The following IL15RA variants were observed in gnomAD, a reference collection of about 807,000 sequenced individuals.
IL15RA encodes the protein interleukin-15 receptor subunit alpha.
IL15RA carries 26 observed loss-of-function variants against 24.2 expected under a neutral mutation model. That is an observed-to-expected ratio of 1.07 (90% CI 0.79 to 1.49). The LOEUF is 1.49. Among genes scored for constraint, IL15RA ranks in the 40% most tolerant of loss-of-function variants. The pLI is 0.00. For synonymous variants in IL15RA, 166 were observed against 157.6 expected (o/e 1.05, Z -0.40); for missense variants, 354 against 356.4 (o/e 0.99, Z 0.05).
Position 5,966,149 on chromosome 10 carries a change from G to T in IL15RA, c.279C>A (p.Cys93Ter). 1 of 1,605,308 alleles carries T rather than the reference G, an allele frequency of 6.2e-7. No individual in the cohort carries two copies. Among genetic ancestry groups the T allele is most frequent in the Non-Finnish European group, 8.5e-7 (1 of 1,172,490 alleles). ...GGGGTGGCAAGGGCTACTCACTAAT[G>T]CATTTGAGACTGGGGGTTGTCCAGT... ...VAHWTTPSLK[C>*]IRDPALVHQR... Residue 93 changes from cysteine (C) to a stop codon, truncating the protein, a stop_gained, in exon 2 of 7, where the codon TGC (cysteine) becomes TGA (stop). Coordinates refer to ENST00000379977, the MANE Select transcript of IL15RA (RefSeq NM_002189.4). LOFTEE classifies it high-confidence loss of function. This position sits in a 1 kb window ranked among gnomAD's most constrained non-coding sequence, Gnocchi z 6.4.
rs1834027367 is a variant in IL15RA, at chr10:5,953,103, GGT to G, written c.794_795del (p.His265ProfsTer23). The G allele has an allele frequency of 1.1e-5, 17 of 1,611,698 alleles. 1 individual carries two copies. In the South Asian group the frequency reaches 1.9e-4, roughly 18 times the overall value. On this transcript the variant is annotated frameshift_variant, in exon 7 of 7. Transcript: ENST00000379977. LOFTEE classifies it high-confidence loss of function. The surrounding 1 kb of genome is among the most constrained non-coding windows in gnomAD (Gnocchi z 5.3). ...SRDEDLENCS[H>X]HL ...GCTGGTTTCCCCGAGTTTCATAGGT[GGT>G]GAGAGCAGTTTTCCAAGTCTTCATC...
rs897168156 is a variant in IL15RA, at chr10:5,963,143, C to T, written c.382+600G>A. The stretch of plus-strand genomic sequence containing the variant: ...GACCATCCTCTCAAGGGTGCTTCTA[C>T]AGCAAGCGCCTTGGAAGACGGGGAC... On this transcript the variant is annotated intron_variant, in intron 3 of 6. Coordinates refer to ENST00000379977, the MANE Select transcript of IL15RA (RefSeq NM_002189.4). The surrounding 1 kb of genome is among the most constrained non-coding windows in gnomAD (Gnocchi z 5.3). Among the ~76,000 whole-genome samples, 5 of 152,202 alleles carry T rather than the reference C, an allele frequency of 3.3e-5. No individual in the cohort carries two copies. The highest frequency in any genetic ancestry group is 1.2e-4 in the African/African-American group (5 of 41,450).
chr10:5,956,264 CT>C, intron 6 of IL15RA, 114 bp downstream of exon 6: 1 of 771,934 alleles, frequency 1.3e-6, no homozygotes, highest in Non-Finnish European at 2.2e-6. Context: ...ATCTGCCCGC[CT>C]TGGCCTCCCA....
chr10:5,949,098 C>T, downstream of IL15RA: 1 of 384,534 alleles, frequency 2.6e-6, no homozygotes, highest in Non-Finnish European at 5.4e-6. This position sits in a 1 kb window ranked among gnomAD's most constrained non-coding sequence, Gnocchi z 4.4. Flanking sequence ...TTTTCCGGCT[C>T]CCTGTCAGTG....
rs1387269407 is a variant in IL15RA at position 5,966,573 on chromosome 10, A to G, written c.89-234T>C. Among the ~76,000 whole-genome samples, 1 of 151,944 alleles carries G rather than the reference A, an allele frequency of 6.6e-6. No individual in the cohort carries two copies. The highest frequency in any genetic ancestry group is 1.5e-5 in the Non-Finnish European group (1 of 67,960). ...CAAAACTACAGATGAGGGCGTGGGG[A>G]GAGGGTCATCGATGAAACACCCTCT... On this transcript the variant is annotated intron_variant, in intron 1 of 6. Coordinates refer to ENST00000379977, the MANE Select transcript of IL15RA (RefSeq NM_002189.4). This position sits in a 1 kb window ranked among gnomAD's most constrained non-coding sequence, Gnocchi z 6.4.
rs369432930 is a variant in IL15RA, at chr10:5,970,533, G to A, written c.89-4194C>T. On this transcript the variant is annotated intron_variant, in intron 1 of 6. Coordinates refer to ENST00000379977, the MANE Select transcript of IL15RA (RefSeq NM_002189.4). The surrounding 1 kb of genome is among the most constrained non-coding windows in gnomAD (Gnocchi z 4.1). ...TATCAGTGGTTCTTCCATTCTGAAC[G>A]GTCCTCAAACCAAGATAAATCTGTG... 6.6e-6 allele frequency among the ~76,000 whole-genome samples: 1 copy of A among 151,914 alleles called. No individual in the cohort carries two copies. Among genetic ancestry groups the A allele is most frequent in the Non-Finnish European group, 1.5e-5 (1 of 67,990 alleles).
chr10:5,969,077 T>C, intron 1 of IL15RA: 1 of 1,106,438 alleles, frequency 9.0e-7, no homozygotes, highest in South Asian at 1.5e-5. Flanking sequence ...GATCTATGTG[T>C]CTGTTTGTTT....
intron 1 of IL15RA, chr10:5,969,071 T>G: frequency 9.0e-6 from 10 of 1,116,178 alleles, no homozygotes; most frequent in Non-Finnish European, 1.3e-5. Flanking sequence ...TCCATCGATC[T>G]ATGTGTCTGT....
In IL15RA at chr10:5,960,310, C is replaced by T. The variant is rs8177706; in HGVS notation, c.583+57G>A. ...GCTGCCTTGTGCCGGATCTCAGCCC[C>T]GATCTCAGAAGCAGCAATGGGGAAC... On this transcript the variant is annotated intron_variant, in intron 4 of 6. Coordinates refer to ENST00000379977, the MANE Select transcript of IL15RA (RefSeq NM_002189.4). This position sits in a 1 kb window ranked among gnomAD's most constrained non-coding sequence, Gnocchi z 5.1. 212 of 1,469,566 alleles carry T rather than the reference C, an allele frequency of 1.4e-4. No homozygotes were observed. The African/African-American group carries it at 2.4e-3, about 17-fold the overall frequency. 91.0% of individuals were successfully genotyped at this position (1,469,566 alleles called of 1,614,324 possible). A position where few individuals can be genotyped will look rare whatever the true frequency, so the allele number is the denominator to read the frequency against.
At chr10:5,950,773 C>T, downstream of IL15RA, 1 of 152,876 alleles carries the variant, frequency 6.5e-6, no homozygotes, top group Non-Finnish European at 1.5e-5. This position sits in a 1 kb window ranked among gnomAD's most constrained non-coding sequence, Gnocchi z 5.6. Flanking sequence ...TGTGAGGAAG[C>T]CCAAGCAGCC....
rs1835185309 is a variant in IL15RA at position 5,959,766 on chromosome 10, T to C, written c.604A>G (p.Ser202Gly). 1.9e-6 allele frequency: 3 copies of C among 1,613,936 alleles called. No individual in the cohort carries two copies. Among genetic ancestry groups the C allele is most frequent in the Non-Finnish European group, 2.5e-6 (3 of 1,179,942 alleles). Residue 202 changes from serine (S) to glycine (G), a missense_variant, in exon 5 of 7, where the codon AGC becomes GGC. Coordinates refer to ENST00000379977, the MANE Select transcript of IL15RA (RefSeq NM_002189.4). This position sits in a 1 kb window ranked among gnomAD's most constrained non-coding sequence, Gnocchi z 4.1. ...QPPGVYPQGH[S>G]DTTVAISTST... Reference sequence around the variant, plus strand: ...GGGACACACTTACCAGTGGTGTCGCTGTGGCCCTGTGGATACACACCTGCG... The same window carrying C: ...GGGACACACTTACCAGTGGTGTCGCCGTGGCCCTGTGGATACACACCTGCG...
chr10:5,949,097 T>C (rs867901259), downstream of IL15RA: 3 of 383,832 alleles, frequency 7.8e-6, no homozygotes, highest in Middle Eastern at 1.1e-3. This position sits in a 1 kb window ranked among gnomAD's most constrained non-coding sequence, Gnocchi z 4.4. Flanking sequence ...CTTTTCCGGC[T>C]CCCTGTCAGT....
In IL15RA at chr10:5,967,308, G is replaced by A. The variant is rs1298689764; in HGVS notation, c.89-969C>T. 1.3e-5 allele frequency among the ~76,000 whole-genome samples: 2 copies of A among 152,176 alleles called. No individual in the cohort carries two copies. The highest frequency in any genetic ancestry group is 2.4e-5 in the African/African-American group (1 of 41,446). On this transcript the variant is annotated intron_variant, in intron 1 of 6. Coordinates refer to ENST00000379977, the MANE Select transcript of IL15RA (RefSeq NM_002189.4). The surrounding 1 kb of genome is among the most constrained non-coding windows in gnomAD (Gnocchi z 4.4). ...CAACCTCCACCTCCTGGGTTCAAGC[G>A]ATTCTCCTGCCTCAGCCTCCTGAAT...
Position 5,971,936 on chromosome 10 carries a change from G to C in IL15RA, c.88+5469C>G, listed in dbSNP as rs1416057028. ...TAATGATTATTGGAGTCTTGCAAGA[G>C]TTGAGGGCTACAGGTTGAAGAGCAA... On this transcript the variant is annotated intron_variant, in intron 1 of 6. Transcript: ENST00000379977. The surrounding 1 kb of genome is among the most constrained non-coding windows in gnomAD (Gnocchi z 5.5). Among the ~76,000 whole-genome samples the C allele has an allele frequency of 2.0e-5, 3 of 152,212 alleles. No homozygotes were observed. Among genetic ancestry groups the C allele is most frequent in the African/African-American group, 7.2e-5 (3 of 41,454 alleles).
Position 5,968,873 on chromosome 10 carries a change from G to T in IL15RA, c.89-2534C>A. ...CCTCGTGTGTCTGGACCTCATGGTTGAAGCTTTCAGATATTCTGCTCCTTC... is the reference window on the plus strand; with the variant it reads ...CCTCGTGTGTCTGGACCTCATGGTTTAAGCTTTCAGATATTCTGCTCCTTC... On this transcript the variant is annotated intron_variant, in intron 1 of 6. Transcript: ENST00000379977. This position sits in a 1 kb window ranked among gnomAD's most constrained non-coding sequence, Gnocchi z 5.4. 1 of 1,226,890 alleles carries T rather than the reference G, an allele frequency of 8.2e-7. No homozygotes were observed. Among genetic ancestry groups the T allele is most frequent in the Non-Finnish European group, 1.2e-6 (1 of 864,836 alleles). 76.0% of individuals were successfully genotyped at this position (1,226,890 alleles called of 1,614,324 possible).
chr10:5,966,370 A>G lies in IL15RA; in HGVS notation c.89-31T>C. ...AAAGTGCAGAGGACAGGGGACGGTG[A>G]AGAGGTTTCCACTTGTAAGAGGCGT... On this transcript the variant is annotated intron_variant, in intron 1 of 6. Coordinates refer to ENST00000379977, the MANE Select transcript of IL15RA (RefSeq NM_002189.4). The surrounding 1 kb of genome is among the most constrained non-coding windows in gnomAD (Gnocchi z 6.4). 1 of 1,579,782 alleles carries G rather than the reference A, an allele frequency of 6.3e-7. No individual in the cohort carries two copies. The highest frequency in any genetic ancestry group is 8.7e-7 in the Non-Finnish European group (1 of 1,151,558).
intron 1 of IL15RA, among the ~76,000 whole-genome samples, chr10:5,969,302 AATT>A (rs1157657582): frequency 1.3e-5 from 2 of 149,572 alleles, no homozygotes; most frequent in African/African-American, 4.9e-5. Flanking sequence ...TTTTAAATTA[AATT>A]TTTTAATTTA....
downstream of IL15RA, among the ~76,000 whole-genome samples, chr10:5,951,034 G>GGGAA (rs1397130882): frequency 1.3e-5 from 2 of 150,558 alleles, no homozygotes; most frequent in Admixed American, 1.3e-4. Context: ...CCAGCTACTC[G>GGGAA]GGAAGGCTGA....
chr10:5,956,462 G>T lies in IL15RA; in HGVS notation c.617-8C>A. The stretch of plus-strand genomic sequence containing the variant: ...TGGACGTGGAGATAGCCACTGAAAG[G>T]GAGGAGACCACGCTGAGATACCCAG... On this transcript the variant is annotated splice_polypyrimidine_tract_variant and splice_region_variant and intron_variant, in intron 5 of 6. Transcript: ENST00000379977. The T allele has an allele frequency of 1.2e-6, 2 of 1,609,048 alleles. No individual in the cohort carries two copies. The highest frequency in any genetic ancestry group is 2.2e-5 in the South Asian group (2 of 90,990).
Sources: gnomAD v4.1 joint callset for allele counts (sites outside exome capture counted in the v4.1 genomes callset) on GRCh38, gnomAD v4.1.1 for gene constraint, Gnocchi (gnomAD v3.1) non-coding constraint, MANE v1.5 for transcripts, NCBI Gene and HGNC (gene_info 2026-07-23, HGNC 2026-07-21) for gene names.